The following SCFD2 variants were observed in gnomAD, a reference collection of about 807,000 sequenced individuals.
SCFD2 encodes the protein sec1 family domain-containing protein 2.
A neutral mutation model predicts 58.9 loss-of-function variants in SCFD2; 54 were observed. The ratio of observed to expected loss-of-function variants is 0.92; its 90% CI spans 0.74 to 1.15. The LOEUF (loss-of-function observed/expected upper bound fraction) is 1.15, where lower values mean the gene tolerates loss of function less well. Ranked by LOEUF, SCFD2 falls within the 50% of genes most tolerant of loss-of-function variation. The probability of loss-of-function intolerance (pLI) is 0.00; values close to 1 mark genes in which losing one functional copy is unlikely to be tolerated. For missense variants in SCFD2, 805 were observed against 836.6 expected (o/e 0.96, Z 0.47); for synonymous variants, 321 against 335.9 (o/e 0.96, Z 0.49).
At chr4:53,258,368 C>T (rs1469145263) in intron 4 of SCFD2, among the ~76,000 whole-genome samples, 1 of 151,796 alleles carries the variant, frequency 6.6e-6, no homozygotes, top group Non-Finnish European at 1.5e-5. Context: ...ATTCTTATGT[C>T]TTTGTGTCTT....
intron 5 of SCFD2, among the ~76,000 whole-genome samples, chr4:53,059,430 C>T (rs1723441439): frequency 2.0e-5 from 3 of 152,068 alleles, no homozygotes; most frequent in African/African-American, 7.2e-5. Context: ...AAGAAATCAT[C>T]GTTTAGAGAT....
chr4:53,345,608 A>G (rs1734032666), intron 2 of SCFD2, among the ~76,000 whole-genome samples: 1 of 152,242 alleles, frequency 6.6e-6, no homozygotes, highest in Non-Finnish European at 1.5e-5. Context: ...TATATACCCG[A>G]AGGATTATAA....
intron 5 of SCFD2, among the ~76,000 whole-genome samples, chr4:52,926,774 G>C (rs1396126485): frequency 1.3e-5 from 2 of 152,130 alleles, no homozygotes; most frequent in African/African-American, 4.8e-5. Flanking sequence ...GGGCTCCTGG[G>C]GCAGTTAGAG....
chr4:53,114,821 A>T (rs898941691), intron 5 of SCFD2, among the ~76,000 whole-genome samples: 1 of 152,198 alleles, frequency 6.6e-6, no homozygotes, highest in African/African-American at 2.4e-5. Flanking sequence ...TTTTTAATGT[A>T]TATAAATGTA....
chr4:52,972,072 G>A (rs994270310), intron 5 of SCFD2, among the ~76,000 whole-genome samples: 1 of 152,154 alleles, frequency 6.6e-6, no homozygotes, highest in African/African-American at 2.4e-5. Context: ...ATGCCAAATT[G>A]TAAAGACCAT....
At chr4:53,334,836 T>G (rs1409426384) in intron 2 of SCFD2, among the ~76,000 whole-genome samples, 2 of 152,178 alleles carry the variant, frequency 1.3e-5, no homozygotes, top group Non-Finnish European at 2.9e-5. Flanking sequence ...AATGCCTTCT[T>G]TATTCAAGTG....
At chr4:53,254,082 G>C (rs1013476919) in intron 4 of SCFD2, among the ~76,000 whole-genome samples, 1 of 152,048 alleles carries the variant, frequency 6.6e-6, no homozygotes, top group African/African-American at 2.4e-5. Flanking sequence ...ACACACACTG[G>C]GGCCTACCTG....
intron 5 of SCFD2, among the ~76,000 whole-genome samples, chr4:53,021,109 T>G (rs887111299): frequency 1.3e-4 from 20 of 152,284 alleles, no homozygotes; most frequent in South Asian, 2.1e-4. Flanking sequence ...ATACTAATAA[T>G]GTGAAATTTT....
intron 5 of SCFD2, among the ~76,000 whole-genome samples, chr4:52,976,712 C>G (rs1321265730): frequency 6.6e-6 from 1 of 152,196 alleles, no homozygotes; most frequent in Non-Finnish European, 1.5e-5. Context: ...GAATGTTCCA[C>G]TGTGGATAAC....
At chr4:53,083,067 G>C (rs1017921239) in intron 5 of SCFD2, among the ~76,000 whole-genome samples, 2 of 152,080 alleles carry the variant, frequency 1.3e-5, no homozygotes, top group Non-Finnish European at 2.9e-5. Context: ...TACTGGGAGT[G>C]GGGTGCTACT....
At chr4:53,068,228 A>G (rs894570672) in intron 5 of SCFD2, among the ~76,000 whole-genome samples, 3 of 152,140 alleles carry the variant, frequency 2.0e-5, no homozygotes, top group Non-Finnish European at 2.9e-5. Context: ...GAGTTCCTCT[A>G]TACCATCACC....
chr4:53,045,540 C>T (rs1723019700), intron 5 of SCFD2, among the ~76,000 whole-genome samples: 1 of 151,948 alleles, frequency 6.6e-6, no homozygotes, highest in South Asian at 2.1e-4. Flanking sequence ...ATAAAAATAG[C>T]TTTTCTTATC....
intron 2 of SCFD2, among the ~76,000 whole-genome samples, chr4:53,327,442 T>C (rs146748456): frequency 3.3e-3 from 497 of 152,152 alleles, no homozygotes; most frequent in African/African-American, 0.012. Context: ...ACCAAGAGTA[T>C]GATGCACTGT....
At chr4:53,294,230 CA>C (rs1419084409) in intron 3 of SCFD2, among the ~76,000 whole-genome samples, 3 of 152,184 alleles carry the variant, frequency 2.0e-5, no homozygotes, top group Non-Finnish European at 2.9e-5. Context: ...CTGTCTTCCA[CA>C]ATGATTGAAC....
At chr4:53,258,765 A>G (rs1477425798) in intron 4 of SCFD2, among the ~76,000 whole-genome samples, 7 of 151,866 alleles carry the variant, frequency 4.6e-5, no homozygotes, top group African/African-American at 1.5e-4. Context: ...GCTGGGTCAA[A>G]TGGTAGATCT....
chr4:52,875,122 G>A (rs1248763414), intron 8 of SCFD2, among the ~76,000 whole-genome samples: 2 of 152,194 alleles, frequency 1.3e-5, no homozygotes, highest in Non-Finnish European at 2.9e-5. Flanking sequence ...GCTGAGTCAG[G>A]ATCCCAGCGC....
intron 1 of SCFD2, among the ~76,000 whole-genome samples, chr4:53,363,901 T>C (rs561155513): frequency 2.6e-5 from 4 of 151,928 alleles, no homozygotes; most frequent in Non-Finnish European, 5.9e-5. Context: ...AGTGGGATAT[T>C]AAGTTTTGCC....
rs564148902 is a variant in SCFD2, at chr4:53,048,277, G to A, written c.1561+97056C>T. ...GAGGCATGAGAACCACTTGAACCTGGAGGCAGAGAATGTAGTGAACCGAGA... is the reference window on the plus strand; with the variant it reads ...GAGGCATGAGAACCACTTGAACCTGAAGGCAGAGAATGTAGTGAACCGAGA... On this transcript the variant is annotated intron_variant, in intron 5 of 8. Transcript: ENST00000401642. Among the ~76,000 whole-genome samples, 375 of 152,222 alleles carry A rather than the reference G, an allele frequency of 2.5e-3. 3 individuals are homozygous for A. The highest frequency in any genetic ancestry group is 0.02 in the Middle Eastern group (6 of 294).
intron 3 of SCFD2, among the ~76,000 whole-genome samples, chr4:53,290,960 C>T (rs923526525): frequency 1.8e-4 from 28 of 152,116 alleles, no homozygotes; most frequent in African/African-American, 6.7e-4. Context: ...AAATTTCAAA[C>T]TTTCCAACAA....
Sources: allele counts gnomAD v4.1 joint callset (sites outside exome capture counted in the v4.1 genomes callset), GRCh38; gene constraint gnomAD v4.1.1; transcripts MANE v1.5; gene names NCBI Gene and HGNC (gene_info 2026-07-23, HGNC 2026-07-21).